Variants in DOCK10 observed in about 807,000 individuals in gnomAD.
DOCK10 encodes dedicator of cytokinesis 10.
Under a neutral mutation model 280.1 loss-of-function variants are expected in DOCK10, and 145 were observed. The observed-to-expected ratio is 0.52, with a 90% CI of 0.45 to 0.59. The LOEUF (loss-of-function observed/expected upper bound fraction) is 0.59, where lower values mean the gene tolerates loss of function less well. Among genes scored for constraint, DOCK10 ranks in the 20% least tolerant of loss-of-function variants. DOCK10 has a pLI of 0.00. For synonymous variants in DOCK10, 915 were observed against 942.2 expected, an observed-to-expected ratio of 0.97 and a Z score of 0.53; for missense variants, 2,368 against 2,651.7, an observed-to-expected ratio of 0.89 and a Z score of 2.35.
chr2:224,976,781 C>T (rs1575140872), intron 1 of DOCK10, among the ~76,000 whole-genome samples: 1 of 152,044 alleles, frequency 6.6e-6, no homozygotes, highest in East Asian at 1.9e-4. Context: ...ATACTTTAGG[C>T]TTGGTGGGCC....
chr2:224,840,926 C>A (rs1261329140), intron 23 of DOCK10, among the ~76,000 whole-genome samples: 1 of 152,060 alleles, frequency 6.6e-6, no homozygotes, highest in Non-Finnish European at 1.5e-5. Flanking sequence ...TACTATACAG[C>A]CTTAAAAAGG....
At chr2:224,937,884 C>T (rs1003259461) in intron 1 of DOCK10, among the ~76,000 whole-genome samples, 2 of 152,186 alleles carry the variant, frequency 1.3e-5, no homozygotes, top group Non-Finnish European at 2.9e-5. Flanking sequence ...GAATATCTTT[C>T]TGCAGCTCTG....
At chr2:224,832,957 C>T (rs1296563579) in intron 26 of DOCK10, among the ~76,000 whole-genome samples, 1 of 152,160 alleles carries the variant, frequency 6.6e-6, no homozygotes, top group Admixed American at 6.5e-5. Flanking sequence ...TCTCCTGAAA[C>T]CCACCCACCC....
intron 8 of DOCK10, 70 bp downstream of exon 8, chr2:224,875,968 G>C (rs929098753): frequency 2.0e-6 from 3 of 1,487,632 alleles, no homozygotes; most frequent in African/African-American, 2.8e-5. Flanking sequence ...ACAATGCCTA[G>C]CAGCTTTAGT....
At position 224,874,016 on chromosome 2, in the gene DOCK10, C is replaced by T. The variant is rs1295120043; in HGVS notation, c.1237G>A (p.Glu413Lys). Residue 413 changes from glutamate to lysine, a missense_variant, in exon 11 of 56, where the codon GAA becomes AAA. Glu to Lys is a moderately conservative substitution (Grantham distance 56). Around this residue, in one of 2 missense-constraint regions of DOCK10, gnomAD observed 1,209 missense variants for 1,250.9 expected, o/e 0.97. Transcript: ENST00000258390. ...CTTACATTCGTTATCGGATCATTTT[C>T]ATTCTCCGTAACACATCCCTGAAGA... is the stretch of plus-strand genomic sequence containing the variant. ...SNLQGCVTEN[E>K]NDPITNIEPF... 11 of 1,611,148 alleles carry T rather than the reference C, an allele frequency of 6.8e-6. No individual in the cohort carries two copies. The highest frequency in any genetic ancestry group is 3.3e-5 in the South Asian group (3 of 89,942).
intron 33 of DOCK10, 59 bp downstream of exon 33, chr2:224,807,609 A>T: frequency 8.2e-7 from 1 of 1,220,220 alleles, no homozygotes; most frequent in Non-Finnish European, 1.2e-6. Flanking sequence ...GGCAAAAAAT[A>T]ATTAAAAAAA....
At position 225,033,438 on chromosome 2, in the gene DOCK10, C is replaced by T. The variant is rs150350157; in HGVS notation, c.123+8814G>A. Among the ~76,000 whole-genome samples the T allele has an allele frequency of 4.0e-3, 605 of 152,264 alleles. 3 individuals carry two copies. The highest frequency in any genetic ancestry group is 0.014 in the African/African-American group (586 of 41,542). On this transcript the variant is annotated intron_variant, in intron 1 of 55. Coordinates refer to ENST00000258390, the MANE Select transcript of DOCK10 (RefSeq NM_014689.3). ...CCTCAGGTGATCCTCCCATCTCGGT[C>T]TCCCAAAGTGCTGGGATTACAGGTG...
chr2:224,863,759 C>G (rs909742294), intron 13 of DOCK10, among the ~76,000 whole-genome samples: 1 of 152,148 alleles, frequency 6.6e-6, no homozygotes, highest in Non-Finnish European at 1.5e-5. Flanking sequence ...CCTTAATATT[C>G]ATTTTCTATT....
At chr2:224,952,591 TA>T (rs376430803) in intron 1 of DOCK10, among the ~76,000 whole-genome samples, 45 of 128,256 alleles carry the variant, frequency 3.5e-4, no homozygotes, top group Admixed American at 2.9e-3. Flanking sequence ...TCAATTATGT[TA>T]TTTTTTTTTT....
chr2:224,908,769 T>A (rs1179165164), intron 3 of DOCK10, among the ~76,000 whole-genome samples: 1 of 152,144 alleles, frequency 6.6e-6, no homozygotes, highest in Non-Finnish European at 1.5e-5. Context: ...AGTGCTGGGA[T>A]TACTGGTATA....
At chr2:224,952,728 G>A (rs1417982417) in intron 1 of DOCK10, among the ~76,000 whole-genome samples, 2 of 150,594 alleles carry the variant, frequency 1.3e-5, no homozygotes, top group Admixed American at 1.3e-4. Context: ...AAGTAGCTGG[G>A]ACTACAGGCG....
At chr2:224,925,168 T>G (rs1444955505) in intron 2 of DOCK10, among the ~76,000 whole-genome samples, 1 of 147,978 alleles carries the variant, frequency 6.8e-6, no homozygotes, top group Non-Finnish European at 1.5e-5. Context: ...TATAAAATGT[T>G]AACCTTTGTC....
At chr2:224,783,289 T>C (rs76666014) in intron 50 of DOCK10, among the ~76,000 whole-genome samples, 9 of 147,228 alleles carry the variant, frequency 6.1e-5, no homozygotes, top group Non-Finnish European at 1.3e-4. Flanking sequence ...TTTTTTTTTT[T>C]CTTGAGGCAG....
At chr2:224,934,535 A>G (rs10210569) in intron 1 of DOCK10, among the ~76,000 whole-genome samples, 99,558 of 152,136 alleles carry the variant, frequency 0.65, 32,828 homozygotes, top group African/African-American at 0.72. Context: ...GATGCTTTAC[A>G]CATCTGTGAT....
At chr2:225,035,531 TATGA>T (rs1690198963) in intron 1 of DOCK10, among the ~76,000 whole-genome samples, 2 of 82,724 alleles carry the variant, frequency 2.4e-5, no homozygotes, top group South Asian at 7.3e-4. Flanking sequence ...TCTTATATGA[TATGA>T]TATATATTAT....
At chr2:225,023,476 C>T (rs1344942836) in intron 1 of DOCK10, among the ~76,000 whole-genome samples, 1 of 152,102 alleles carries the variant, frequency 6.6e-6, no homozygotes, top group Non-Finnish European at 1.5e-5. Flanking sequence ...ACTTTCTTTG[C>T]TTATAGGGAA....
intron 1 of DOCK10, among the ~76,000 whole-genome samples, chr2:224,960,522 T>A (rs527444492): frequency 6.6e-6 from 1 of 152,190 alleles, no homozygotes; most frequent in South Asian, 2.1e-4. Context: ...AAATGAAAAT[T>A]TCATTATCAT....
intron 23 of DOCK10, among the ~76,000 whole-genome samples, chr2:224,841,462 C>T (rs1007628963): frequency 4.6e-5 from 7 of 151,898 alleles, no homozygotes; most frequent in Non-Finnish European, 1.0e-4. Flanking sequence ...CACTGTAGCC[C>T]ACCTTTATCT....
intron 1 of DOCK10, among the ~76,000 whole-genome samples, chr2:224,942,314 A>T (rs1003106402): frequency 6.6e-6 from 1 of 152,242 alleles, no homozygotes; most frequent in African/African-American, 2.4e-5. Flanking sequence ...AGGCAGACCA[A>T]GTTTCAAATC....
Sources: gnomAD v4.1 joint callset for allele counts (sites outside exome capture counted in the v4.1 genomes callset) on GRCh38, gnomAD v4.1.1 for gene constraint, gnomAD v4.1.1 regional missense constraint, MANE v1.5 for transcripts, NCBI Gene and HGNC (gene_info 2026-07-23, HGNC 2026-07-21) for gene names.